Variants in ZMYND11 observed in about 807,000 individuals in gnomAD.
The protein encoded by ZMYND11 is zinc finger MYND domain-containing protein 11.
ZMYND11 carries 9 observed loss-of-function variants against 84.9 expected under a neutral mutation model. The observed-to-expected ratio is 0.11, with a 90% confidence interval of 0.06 to 0.18. The LOEUF (loss-of-function observed/expected upper bound fraction) is 0.18. Ranked by LOEUF, ZMYND11 falls within the 10% of genes least tolerant of loss-of-function variation. The probability of loss-of-function intolerance (pLI) is 1.00; values close to 1 mark genes in which losing one functional copy is unlikely to be tolerated. For missense variants in ZMYND11, 409 were observed against 761.0 expected, an observed-to-expected ratio of 0.54 and a Z score of 5.44; for synonymous variants, 250 against 244.1, an observed-to-expected ratio of 1.02 and a Z score of -0.23.
chr10:145,753 G>C (rs1162485476), intron 1 of ZMYND11, among the ~76,000 whole-genome samples: 1 of 151,670 alleles, frequency 6.6e-6, no homozygotes, highest in East Asian at 1.9e-4. Context: ...TTTTTTTCTT[G>C]CTGATTTGAG....
At chr10:137,858 A>T (rs931174492) in intron 1 of ZMYND11, among the ~76,000 whole-genome samples, 1 of 152,268 alleles carries the variant, frequency 6.6e-6, no homozygotes, top group East Asian at 1.9e-4. Context: ...GAATCAAAAT[A>T]TTTGTCTTGC....
chr10:241,215 G>T (rs930133956), intron 9 of ZMYND11, among the ~76,000 whole-genome samples: 1 of 151,968 alleles, frequency 6.6e-6, no homozygotes, highest in Non-Finnish European at 1.5e-5. Flanking sequence ...TCACTCTGTC[G>T]CCCAGGCTTG....
intron 10 of ZMYND11, among the ~76,000 whole-genome samples, chr10:244,288 A>C (rs571830227): frequency 6.6e-6 from 1 of 152,224 alleles, no homozygotes; most frequent in Non-Finnish European, 1.5e-5. Flanking sequence ...TTGGCTAATT[A>C]TTCTTCTGCT....
At chr10:168,350 T>C (rs1215489581) in intron 1 of ZMYND11, among the ~76,000 whole-genome samples, 2 of 152,010 alleles carry the variant, frequency 1.3e-5, no homozygotes, top group African/African-American at 4.8e-5. Context: ...CATGGTGGTA[T>C]GTGTACCTGT....
chr10:163,806 A>T (rs1843427907), intron 1 of ZMYND11, among the ~76,000 whole-genome samples: 1 of 152,078 alleles, frequency 6.6e-6, no homozygotes, highest in Non-Finnish European at 1.5e-5. Context: ...TAGTGTGAAC[A>T]GTTGTCTTGG....
At chr10:188,716 T>G (rs1939477052) in intron 2 of ZMYND11, among the ~76,000 whole-genome samples, 2 of 152,228 alleles carry the variant, frequency 1.3e-5, no homozygotes, top group South Asian at 4.1e-4. Context: ...CTTTTCTTCT[T>G]TAATCCAAAC....
chr10:201,354 C>T (rs1226225321), intron 2 of ZMYND11, among the ~76,000 whole-genome samples: 2 of 152,186 alleles, frequency 1.3e-5, no homozygotes, highest in South Asian at 4.1e-4. Flanking sequence ...GAAAACACAT[C>T]ACTGCATTCT....
chr10:228,643 TTTAAG>T (rs1948515249), intron 4 of ZMYND11, among the ~76,000 whole-genome samples: 3 of 152,134 alleles, frequency 2.0e-5, no homozygotes, highest in Admixed American at 6.5e-5. Flanking sequence ...GACAGACACA[TTTAAG>T]TTATTTTCTG....
chr10:197,984 G>A (rs1361033069), intron 2 of ZMYND11: 1 of 647,420 alleles, frequency 1.5e-6, no homozygotes, highest in Admixed American at 2.3e-5. Flanking sequence ...ATTTTCATTA[G>A]TTGTATCATT....
At chr10:194,179 G>A (rs904318448) in intron 2 of ZMYND11, among the ~76,000 whole-genome samples, 12 of 144,986 alleles carry the variant, frequency 8.3e-5, no homozygotes, top group African/African-American at 2.8e-4. Context: ...TGGTAGAGTC[G>A]GGGTTTCTTC....
chr10:169,772 C>T (rs1324607886), intron 1 of ZMYND11, among the ~76,000 whole-genome samples: 3 of 151,930 alleles, frequency 2.0e-5, no homozygotes, highest in African/African-American at 7.3e-5. Context: ...GGGAAAAAAC[C>T]AATCGACAAC....
chr10:175,423 C>A (rs529425090), intron 1 of ZMYND11, among the ~76,000 whole-genome samples: 61 of 152,126 alleles, frequency 4.0e-4, no homozygotes, highest in African/African-American at 1.5e-3. Context: ...CAAAAATTAC[C>A]CAGCTGTGGT....
At chr10:196,728 A>G (rs888245441) in intron 2 of ZMYND11, among the ~76,000 whole-genome samples, 3 of 152,226 alleles carry the variant, frequency 2.0e-5, no homozygotes, top group East Asian at 3.9e-4. Context: ...CTGGAATTCA[A>G]TTTTAATATA....
chr10:213,326 T>C (rs1013569611), intron 3 of ZMYND11, among the ~76,000 whole-genome samples: 1 of 152,230 alleles, frequency 6.6e-6, no homozygotes, highest in Non-Finnish European at 1.5e-5. Flanking sequence ...TTGTCCTACA[T>C]GCCAGCATTT....
intron 4 of ZMYND11, among the ~76,000 whole-genome samples, chr10:228,715 C>G (rs921596402): frequency 6.6e-6 from 1 of 152,220 alleles, no homozygotes; most frequent in South Asian, 2.1e-4. Context: ...GCCGTTCAGT[C>G]TTGTTCTTCC....
chr10:249,496 C>A, intron 14 of ZMYND11: 1 of 984,768 alleles, frequency 1.0e-6, no homozygotes, highest in Non-Finnish European at 1.2e-6. Context: ...TTTCCCTGCA[C>A]TTAACATTTA....
chr10:225,291 A>G (rs568330547), intron 4 of ZMYND11, among the ~76,000 whole-genome samples: 1 of 152,228 alleles, frequency 6.6e-6, no homozygotes, highest in Non-Finnish European at 1.5e-5. Context: ...ACATGAAACT[A>G]TTTGTCAATT....
At chr10:236,190 A>G (rs1322676618) in intron 4 of ZMYND11, among the ~76,000 whole-genome samples, 1 of 152,242 alleles carries the variant, frequency 6.6e-6, no homozygotes, top group Non-Finnish European at 1.5e-5. Flanking sequence ...CTAAGGAAAT[A>G]GGCACACTTG....
At chr10:170,596 A>G (rs543410489) in intron 1 of ZMYND11, among the ~76,000 whole-genome samples, 20 of 152,256 alleles carry the variant, frequency 1.3e-4, no homozygotes, top group African/African-American at 4.3e-4. Flanking sequence ...CTGCCCATGA[A>G]GCAGTATAAT....
Sources: allele counts gnomAD v4.1 joint callset (sites outside exome capture counted in the v4.1 genomes callset), GRCh38; gene constraint gnomAD v4.1.1; transcripts MANE v1.5; gene names NCBI Gene and HGNC (gene_info 2026-07-23, HGNC 2026-07-21).